The following NRXN1 variants were observed in gnomAD, a reference collection of about 807,000 sequenced individuals.
NRXN1 encodes the protein neurexin-1.
NRXN1 carries 39 observed loss-of-function variants against 150.9 expected under a neutral mutation model. The ratio of observed to expected loss-of-function variants is 0.26; its 90% CI spans 0.20 to 0.34. NRXN1 has a LOEUF of 0.34. Ranked by LOEUF, NRXN1 falls within the 10% of genes least tolerant of loss-of-function variation. The pLI, the probability that NRXN1 is intolerant of heterozygous loss-of-function variation, is 1.00. For missense variants in NRXN1, 1,815 were observed against 1,949.9 expected, an observed-to-expected ratio of 0.93 and a Z score of 1.30; for synonymous variants, 924 against 757.0, an observed-to-expected ratio of 1.22 and a Z score of -3.62.
intron 21 of NRXN1, chr2:49,945,035 T>C (rs1431661088): frequency 2.0e-5 from 3 of 152,200 alleles, no homozygotes; most frequent in African/African-American, 7.2e-5. Context: ...TAAAAATCTT[T>C]CAAGTGCAGA....
At chr2:50,189,844 A>T (rs186712778) in intron 18 of NRXN1, among the ~76,000 whole-genome samples, 1 of 152,298 alleles carries the variant, frequency 6.6e-6, no homozygotes, top group East Asian at 1.9e-4. Context: ...GATTTTAAGC[A>T]TTAATTTGGT....
chr2:50,140,673 T>C (rs970926397), intron 18 of NRXN1, among the ~76,000 whole-genome samples: 8 of 151,940 alleles, frequency 5.3e-5, no homozygotes, highest in African/African-American at 1.7e-4. Context: ...CTCTCTCTTT[T>C]TTTTTTTTAA....
intron 5 of NRXN1, among the ~76,000 whole-genome samples, chr2:50,811,383 G>A (rs1333904463): frequency 2.6e-5 from 4 of 152,150 alleles, no homozygotes; most frequent in Non-Finnish European, 4.4e-5. Flanking sequence ...AGAACACATG[G>A]CTGTTTTCCA....
At chr2:51,031,026 G>A (rs537038235) in intron 1 of NRXN1, among the ~76,000 whole-genome samples, 10 of 151,988 alleles carry the variant, frequency 6.6e-5, no homozygotes, top group Non-Finnish European at 1.5e-4. Context: ...TGGTGGAAGA[G>A]AGAAAAACCG....
At chr2:50,380,278 G>A (rs2080855458) in intron 17 of NRXN1, among the ~76,000 whole-genome samples, 2 of 111,624 alleles carry the variant, frequency 1.8e-5, no homozygotes, top group South Asian at 6.3e-4. Context: ...GACCACATAT[G>A]TGTGTGTGTG....
At chr2:50,487,765 T>C (rs1256050219) in intron 15 of NRXN1, among the ~76,000 whole-genome samples, 1 of 152,212 alleles carries the variant, frequency 6.6e-6, no homozygotes, top group Non-Finnish European at 1.5e-5. Flanking sequence ...CTTTTGGGAA[T>C]ATAGTAAACA....
rs759454313 is a variant in NRXN1, at chr2:50,497,521, A to G, written c.2691T>C (p.Phe897=). ...DIDYCELNAR[F]GFRNIIADPV... ...GATCTGCTATGATGTTCCTGAAGCC[A>G]AATCTGGCATTAAGCTCACAGTAAT... is the stretch of plus-strand genomic sequence containing the variant. Residue 897 remains phenylalanine, a synonymous_variant, in exon 14 of 23, where the codon TTT becomes TTC. Transcript: ENST00000401669. 1.9e-6 allele frequency: 3 copies of G among 1,613,962 alleles called. No individual in the cohort carries two copies.
chr2:50,298,137 A>C (rs1424827206), intron 17 of NRXN1, among the ~76,000 whole-genome samples: 1 of 152,198 alleles, frequency 6.6e-6, no homozygotes, highest in Non-Finnish European at 1.5e-5. Flanking sequence ...AAATTGCCGT[A>C]AGTGCTAAAG....
chr2:50,457,251 T>A (rs939390193), intron 17 of NRXN1, among the ~76,000 whole-genome samples: 2 of 152,100 alleles, frequency 1.3e-5, no homozygotes, highest in African/African-American at 2.4e-5. Flanking sequence ...TAAATTTACA[T>A]CTAAGAATTA....
intron 15 of NRXN1, among the ~76,000 whole-genome samples, chr2:50,494,451 G>A (rs1008613563): frequency 3.3e-5 from 5 of 152,066 alleles, no homozygotes; most frequent in Non-Finnish European, 5.9e-5. Context: ...AGAAGAAAAA[G>A]CTCTTCAATC....
intron 17 of NRXN1, among the ~76,000 whole-genome samples, chr2:50,274,783 T>A (rs1180623977): frequency 2.0e-5 from 3 of 150,894 alleles, no homozygotes; most frequent in African/African-American, 7.3e-5. Context: ...TTCAACTACT[T>A]AAAAAAAAAC....
intron 17 of NRXN1, among the ~76,000 whole-genome samples, chr2:50,244,523 AG>A (rs1229515143): frequency 6.6e-6 from 1 of 151,928 alleles, no homozygotes; most frequent in African/African-American, 2.4e-5. Context: ...AACATTTCTA[AG>A]CCTTCCTATC....
intron 17 of NRXN1, among the ~76,000 whole-genome samples, chr2:50,367,089 T>C (rs1251377722): frequency 6.6e-6 from 1 of 151,984 alleles, no homozygotes; most frequent in Non-Finnish European, 1.5e-5. Flanking sequence ...ATTATTTGCT[T>C]TGGGTTTCTC....
intron 18 of NRXN1, among the ~76,000 whole-genome samples, chr2:50,129,533 T>C (rs758533334): frequency 7.2e-5 from 11 of 152,158 alleles, no homozygotes; most frequent in African/African-American, 1.4e-4. Context: ...AATTAGCAAG[T>C]TAAAGAAATT....
At chr2:50,362,329 A>G (rs1182726130) in intron 17 of NRXN1, among the ~76,000 whole-genome samples, 1 of 152,200 alleles carries the variant, frequency 6.6e-6, no homozygotes, top group Non-Finnish European at 1.5e-5. Flanking sequence ...AGATGACATG[A>G]TTGTATATTT....
chr2:50,224,698 AG>A (rs769176955), intron 18 of NRXN1, among the ~76,000 whole-genome samples: 11,869 of 60,550 alleles, frequency 0.2, 612 homozygotes, highest in Non-Finnish European at 0.26. Context: ...GGAGAAAGAG[AG>A]AGAGAGAGAG....
intron 17 of NRXN1, among the ~76,000 whole-genome samples, chr2:50,335,692 G>T (rs1477028679): frequency 2.6e-5 from 4 of 152,176 alleles, no homozygotes; most frequent in Non-Finnish European, 5.9e-5. Context: ...GATACAAATT[G>T]TTGGGTTACT....
chr2:50,229,841 G>A (rs1346863084), intron 18 of NRXN1, among the ~76,000 whole-genome samples: 2 of 152,046 alleles, frequency 1.3e-5, no homozygotes, highest in African/African-American at 2.4e-5. Flanking sequence ...AGTAGCTATA[G>A]AAGAAATTGT....
chr2:50,869,039 G>A (rs958617754), intron 5 of NRXN1, among the ~76,000 whole-genome samples: 4 of 151,746 alleles, frequency 2.6e-5, no homozygotes, highest in African/African-American at 9.7e-5. Context: ...ATGCCTTCAT[G>A]TTCATAGTCC....
Sources: gnomAD v4.1 joint callset for allele counts (sites outside exome capture counted in the v4.1 genomes callset) on GRCh38, gnomAD v4.1.1 for gene constraint, MANE v1.5 for transcripts, NCBI Gene and HGNC (gene_info 2026-07-23, HGNC 2026-07-21) for gene names.